The following CLSTN2 variants were observed in gnomAD, a reference collection of about 807,000 sequenced individuals.
CLSTN2 encodes calsyntenin 2, also known as calsyntenin-2.
CLSTN2 carries 48 observed loss-of-function variants against 101.2 expected under a neutral mutation model. The observed-to-expected ratio is 0.47, with a 90% CI of 0.38 to 0.60. CLSTN2 has a LOEUF of 0.60. CLSTN2 is among the 20% of genes least tolerant of loss of function. The pLI is 0.00. For synonymous variants in CLSTN2, 481 were observed against 463.6 expected (o/e 1.04, Z -0.48); for missense variants, 1,160 against 1,238.2 (o/e 0.94, Z 0.95).
intron 2 of CLSTN2, among the ~76,000 whole-genome samples, chr3:140,331,518 C>T (rs931117429): frequency 6.6e-6 from 1 of 152,246 alleles, no homozygotes; most frequent in Non-Finnish European, 1.5e-5. Flanking sequence ...TCTACCAAAA[C>T]AAAAGACTCC....
At chr3:140,218,273 T>G (rs184550326) in intron 2 of CLSTN2, among the ~76,000 whole-genome samples, 129 of 152,366 alleles carry the variant, frequency 8.5e-4, no homozygotes, top group African/African-American at 3.0e-3. Flanking sequence ...TGCTTTTGTT[T>G]TGCTTGTATT....
intron 1 of CLSTN2, among the ~76,000 whole-genome samples, chr3:140,026,352 A>G (rs2007419737): frequency 6.6e-6 from 1 of 152,204 alleles, no homozygotes; most frequent in South Asian, 2.1e-4. Flanking sequence ...TAAATAGTAT[A>G]TGGAAGTGCT....
chr3:139,989,735 C>T (rs1936086843), intron 1 of CLSTN2, among the ~76,000 whole-genome samples: 3 of 152,216 alleles, frequency 2.0e-5, no homozygotes, highest in Admixed American at 2.0e-4. Context: ...CTACCTGCCA[C>T]CACCCTTGGC....
At chr3:139,984,746 T>C (rs1935994007) in intron 1 of CLSTN2, among the ~76,000 whole-genome samples, 2 of 152,190 alleles carry the variant, frequency 1.3e-5, no homozygotes, top group South Asian at 2.1e-4. Flanking sequence ...TGAGATGTTT[T>C]AAATATCATC....
intron 2 of CLSTN2, among the ~76,000 whole-genome samples, chr3:140,275,302 T>TCA (rs1010639325): frequency 2.0e-5 from 3 of 151,398 alleles, no homozygotes; most frequent in African/African-American, 7.3e-5. Context: ...TGAGGAGGTC[T>TCA]CACTGTGGCA....
At position 140,274,897 on chromosome 3, in the gene CLSTN2, G is replaced by A. The variant is rs566390440; in HGVS notation, c.232+98824G>A. On this transcript the variant is annotated intron_variant, in intron 2 of 16. Transcript: ENST00000458420. ...TGCTTCTGTGCAACAGCCACTTCTG[G>A]CGAGCATGGAGGCAGGGAACAGGGT... 2.2e-4 allele frequency among the ~76,000 whole-genome samples: 34 copies of A among 152,304 alleles called. 1 individual carries two copies. In the South Asian group the frequency reaches 4.1e-3, roughly 19 times the overall value.
chr3:139,972,064 G>C (rs1408661017), intron 1 of CLSTN2, among the ~76,000 whole-genome samples: 1 of 152,142 alleles, frequency 6.6e-6, no homozygotes, highest in South Asian at 2.1e-4. Flanking sequence ...AGGAGTTCAA[G>C]ACCAGCATGG....
intron 1 of CLSTN2, among the ~76,000 whole-genome samples, chr3:140,140,338 C>G (rs138888501): frequency 1.3e-5 from 2 of 152,012 alleles, no homozygotes; most frequent in Non-Finnish European, 2.9e-5. Flanking sequence ...TTGCTTCTGA[C>G]GAGGCCTCAG....
chr3:140,451,709 T>C (rs941786981), intron 6 of CLSTN2, among the ~76,000 whole-genome samples: 7 of 152,188 alleles, frequency 4.6e-5, no homozygotes, highest in Non-Finnish European at 7.3e-5. Flanking sequence ...ACTTCTAAAA[T>C]GGAAGCTGGG....
intron 5 of CLSTN2, among the ~76,000 whole-genome samples, chr3:140,424,228 T>C (rs1457029765): frequency 6.6e-6 from 1 of 152,176 alleles, no homozygotes; most frequent in African/African-American, 2.4e-5. Flanking sequence ...TGCCAAACTG[T>C]GTTTGGCATC....
At chr3:140,017,605 A>T (rs1194736732) in intron 1 of CLSTN2, among the ~76,000 whole-genome samples, 3 of 152,224 alleles carry the variant, frequency 2.0e-5, no homozygotes, top group Non-Finnish European at 4.4e-5. Flanking sequence ...GTGGAACACA[A>T]CTAGGCTCAA....
At chr3:140,345,331 C>A (rs1559844700) in intron 2 of CLSTN2, among the ~76,000 whole-genome samples, 1 of 151,138 alleles carries the variant, frequency 6.6e-6, no homozygotes, top group Non-Finnish European at 1.5e-5. Context: ...TCACTGCAAC[C>A]TATGCCTCCC....
chr3:140,018,140 C>T (rs1040927078), intron 1 of CLSTN2, among the ~76,000 whole-genome samples: 12 of 152,236 alleles, frequency 7.9e-5, no homozygotes, highest in Non-Finnish European at 4.4e-5. Context: ...AAATATCTTT[C>T]TATCCTTACG....
At chr3:140,458,660 C>G (rs1166279496) in intron 6 of CLSTN2, among the ~76,000 whole-genome samples, 1 of 152,046 alleles carries the variant, frequency 6.6e-6, no homozygotes, top group Admixed American at 6.5e-5. Flanking sequence ...AGTCTTCGTG[C>G]CTTAGCCTGA....
chr3:140,202,802 G>A (rs1420277163), intron 2 of CLSTN2, among the ~76,000 whole-genome samples: 1 of 152,152 alleles, frequency 6.6e-6, no homozygotes, highest in African/African-American at 2.4e-5. Context: ...TATAGAAGGA[G>A]CGTGGAAGAG....
intron 1 of CLSTN2, among the ~76,000 whole-genome samples, chr3:140,069,819 C>A (rs1334831203): frequency 1.3e-5 from 2 of 152,122 alleles, no homozygotes; most frequent in African/African-American, 4.8e-5. Context: ...GGGGCACTGG[C>A]AGGAGATTAG....
chr3:140,222,382 TAGAA>T (rs1043700965), intron 2 of CLSTN2, among the ~76,000 whole-genome samples: 3 of 152,000 alleles, frequency 2.0e-5, no homozygotes, highest in East Asian at 1.9e-4. Flanking sequence ...AAGAAAAACT[TAGAA>T]AGAATCAATA....
chr3:139,939,739 A>G (rs1236509265), intron 1 of CLSTN2, among the ~76,000 whole-genome samples: 1 of 152,182 alleles, frequency 6.6e-6, no homozygotes, highest in Non-Finnish European at 1.5e-5. Flanking sequence ...GGTAGTGTGG[A>G]ATTTTTATGG....
chr3:140,229,935 G>A (rs1284843939), intron 2 of CLSTN2, among the ~76,000 whole-genome samples: 1 of 152,148 alleles, frequency 6.6e-6, no homozygotes, highest in South Asian at 2.1e-4. Flanking sequence ...CTGTGATGTG[G>A]TAGCCCAGTT....
Sources: gnomAD v4.1 joint callset for allele counts (sites outside exome capture counted in the v4.1 genomes callset) on GRCh38, gnomAD v4.1.1 for gene constraint, MANE v1.5 for transcripts, NCBI Gene and HGNC (gene_info 2026-07-23, HGNC 2026-07-21) for gene names.